GALNT17: variants seen among roughly 807,000 people sequenced by gnomAD.
GALNT17 encodes polypeptide N-acetylgalactosaminyltransferase 17.
GALNT17 carries 29 observed loss-of-function variants against 63.7 expected under a neutral mutation model. That is an observed-to-expected ratio of 0.46 (90% CI 0.34 to 0.62). GALNT17 has a LOEUF of 0.62. Ranked by LOEUF, GALNT17 falls within the 20% of genes least tolerant of loss-of-function variation. GALNT17 has a pLI of 0.01. For missense variants in GALNT17, 603 were observed against 799.6 expected (o/e 0.75, Z 2.97); for synonymous variants, 305 against 318.3 (o/e 0.96, Z 0.45).
intron 6 of GALNT17, among the ~76,000 whole-genome samples, chr7:71,588,053 A>G: frequency 6.6e-6 from 1 of 152,254 alleles, no homozygotes; most frequent in South Asian, 2.1e-4. Flanking sequence ...GTATTTAGAG[A>G]CCGAAGTCTT....
chr7:71,315,571 A>G (rs1791484989), intron 1 of GALNT17, among the ~76,000 whole-genome samples: 1 of 152,230 alleles, frequency 6.6e-6, no homozygotes, highest in Non-Finnish European at 1.5e-5. Context: ...GCCTTCCATT[A>G]TATGGGCTTG....
At chr7:71,196,174 T>C (rs1335634447) in intron 1 of GALNT17, among the ~76,000 whole-genome samples, 1 of 152,132 alleles carries the variant, frequency 6.6e-6, no homozygotes, top group East Asian at 1.9e-4. Flanking sequence ...GGTCTTGCTC[T>C]GTCGCCTAGG....
intron 5 of GALNT17, among the ~76,000 whole-genome samples, chr7:71,528,844 A>G (rs930899106): frequency 2.0e-5 from 3 of 152,182 alleles, no homozygotes; most frequent in Non-Finnish European, 2.9e-5. Flanking sequence ...GTTAAAAAAA[A>G]CAAAAGTTGA....
Position 71,395,989 on chromosome 7 carries a change from T to C in GALNT17, c.589+7588T>C, listed in dbSNP as rs2116369100. Among the ~76,000 whole-genome samples, 4 of 152,358 alleles carry C rather than the reference T, an allele frequency of 2.6e-5. 1 individual carries two copies. The Middle Eastern group carries it at 0.01, about 389-fold the overall frequency. On this transcript the variant is annotated intron_variant, in intron 3 of 10. Transcript: ENST00000333538. ...TCATAATTATTCTTTATTCTCTTTATACTCATCTTTATCAAATATTCTGCA... is the reference window on the plus strand; with the variant it reads ...TCATAATTATTCTTTATTCTCTTTACACTCATCTTTATCAAATATTCTGCA...
intron 1 of GALNT17, among the ~76,000 whole-genome samples, chr7:71,319,433 G>A (rs1481400644): frequency 1.3e-5 from 2 of 152,044 alleles, no homozygotes; most frequent in Non-Finnish European, 2.9e-5. Context: ...GATTCTATCA[G>A]TTGGTGTGTC....
intron 1 of GALNT17, among the ~76,000 whole-genome samples, chr7:71,278,884 T>C: frequency 6.6e-6 from 1 of 151,848 alleles, no homozygotes; most frequent in East Asian, 1.9e-4. Flanking sequence ...GTATCAACCT[T>C]CTTCCCTCTG....
intron 2 of GALNT17, among the ~76,000 whole-genome samples, chr7:71,356,467 A>G (rs1792287646): frequency 6.6e-6 from 1 of 152,166 alleles, no homozygotes; most frequent in Non-Finnish European, 1.5e-5. Context: ...AGGTTCTGTC[A>G]AAGGCCTGAG....
At chr7:71,467,492 A>C (rs1053074002) in intron 5 of GALNT17, among the ~76,000 whole-genome samples, 2 of 151,924 alleles carry the variant, frequency 1.3e-5, no homozygotes, top group African/African-American at 4.8e-5. Flanking sequence ...TGCCTGGGAG[A>C]TTGTGGTCTT....
intron 1 of GALNT17, among the ~76,000 whole-genome samples, chr7:71,269,408 A>G (rs1378283063): frequency 6.6e-6 from 1 of 152,206 alleles, no homozygotes; most frequent in Non-Finnish European, 1.5e-5. Context: ...TTGAGGCTGC[A>G]GTGAGCTATG....
chr7:71,643,611 C>G (rs1483683693), intron 6 of GALNT17, among the ~76,000 whole-genome samples: 1 of 152,194 alleles, frequency 6.6e-6, no homozygotes, highest in African/African-American at 2.4e-5. Context: ...GGCTTTCTTT[C>G]TGATCAAGGT....
At chr7:71,316,058 T>G (rs192357647) in intron 1 of GALNT17, among the ~76,000 whole-genome samples, 269 of 152,210 alleles carry the variant, frequency 1.8e-3, no homozygotes, top group Non-Finnish European at 2.5e-3. Flanking sequence ...AAGCAAGCAT[T>G]GGGCAGAGAG....
intron 5 of GALNT17, among the ~76,000 whole-genome samples, chr7:71,452,063 A>C (rs1218927009): frequency 6.6e-6 from 1 of 152,138 alleles, no homozygotes; most frequent in Non-Finnish European, 1.5e-5. Flanking sequence ...TGAAATGATA[A>C]ATAAGTGATA....
intron 9 of GALNT17, among the ~76,000 whole-genome samples, chr7:71,696,812 C>T (rs1791552953): frequency 6.6e-6 from 1 of 152,134 alleles, no homozygotes; most frequent in African/African-American, 2.4e-5. Flanking sequence ...CCATTCACTT[C>T]CAAAGACATT....
intron 6 of GALNT17, among the ~76,000 whole-genome samples, chr7:71,580,196 C>T (rs901538977): frequency 3.3e-5 from 4 of 123,070 alleles, no homozygotes; most frequent in Non-Finnish European, 5.6e-5. Flanking sequence ...ATGATGGATT[C>T]GATAGATGAT....
chr7:71,648,118 GTTCAC>G (rs1790706539), intron 6 of GALNT17, among the ~76,000 whole-genome samples: 1 of 152,200 alleles, frequency 6.6e-6, no homozygotes, highest in South Asian at 2.1e-4. Flanking sequence ...TCAGGAAACA[GTTCAC>G]TTCACAGCTA....
intron 9 of GALNT17, among the ~76,000 whole-genome samples, chr7:71,695,123 G>T (rs1791520607): frequency 6.6e-6 from 1 of 152,192 alleles, no homozygotes. Flanking sequence ...CTAGAAGTCG[G>T]AGTGGACTAC....
At chr7:71,426,051 G>C (rs909885280) in intron 5 of GALNT17, among the ~76,000 whole-genome samples, 37 of 152,182 alleles carry the variant, frequency 2.4e-4, no homozygotes, top group African/African-American at 8.7e-4. Flanking sequence ...CATGAGAACA[G>C]CACCAAAGGG....
intron 6 of GALNT17, among the ~76,000 whole-genome samples, chr7:71,579,545 C>A (rs764763075): frequency 7.9e-5 from 12 of 152,198 alleles, no homozygotes; most frequent in Middle Eastern, 6.8e-3. Flanking sequence ...AACCTTCTTA[C>A]GGAAATGCTG....
At chr7:71,626,124 G>A (rs924589790) in intron 6 of GALNT17, among the ~76,000 whole-genome samples, 1 of 151,836 alleles carries the variant, frequency 6.6e-6, no homozygotes, top group Non-Finnish European at 1.5e-5. Context: ...CGTGCCTGTA[G>A]TCCCAGCTAT....
Sources: allele counts gnomAD v4.1 joint callset (sites outside exome capture counted in the v4.1 genomes callset), GRCh38; gene constraint gnomAD v4.1.1; transcripts MANE v1.5; gene names NCBI Gene and HGNC (gene_info 2026-07-23, HGNC 2026-07-21).